Variants in PDE1C observed in about 807,000 individuals in gnomAD.
The protein encoded by PDE1C is phosphodiesterase 1C, also known as dual specificity calcium/calmodulin-dependent 3',5'-cyclic nucleotide phosphodiesterase 1C.
Under a neutral mutation model 93.1 loss-of-function variants are expected in PDE1C, and 62 were observed. That is an observed-to-expected ratio of 0.67 (90% CI 0.54 to 0.82). The LOEUF is 0.82. PDE1C is among the 40% of genes least tolerant of loss of function. The probability of loss-of-function intolerance (pLI) is 0.00; values close to 1 mark genes in which losing one functional copy is unlikely to be tolerated. For synonymous variants in PDE1C, 325 were observed against 310.1 expected (o/e 1.05, Z -0.50); for missense variants, 742 against 884.6 (o/e 0.84, Z 2.04).
chr7:32,312,739 A>G (rs894600164), intron 1 of PDE1C, among the ~76,000 whole-genome samples: 4 of 152,224 alleles, frequency 2.6e-5, no homozygotes, highest in African/African-American at 9.6e-5. Context: ...CTTACACCTT[A>G]CACAAAAATT....
At chr7:32,220,768 C>T (rs1288788640) in intron 1 of PDE1C, among the ~76,000 whole-genome samples, 2 of 151,990 alleles carry the variant, frequency 1.3e-5, no homozygotes, top group East Asian at 1.9e-4. Context: ...CAGTGAGCCG[C>T]GATCGCACCA....
At chr7:32,402,956 T>C (rs1288860958) in intron 1 of PDE1C, among the ~76,000 whole-genome samples, 1 of 152,088 alleles carries the variant, frequency 6.6e-6, no homozygotes. Context: ...AGGGCAAGAA[T>C]GTGTTAGTGT....
upstream of PDE1C, chr7:32,070,956 C>T (rs531291033): frequency 2.1e-4 from 203 of 985,590 alleles, 1 homozygote; most frequent in African/African-American, 3.4e-3. Flanking sequence ...TGCCTTCGCG[C>T]CCCTCTGTTT....
At chr7:31,724,666 A>G in the PDE1C span, among the ~76,000 whole-genome samples, 12,883 of 152,236 alleles carry the variant, frequency 0.085, 859 homozygotes, top group East Asian at 0.36. Context: ...AAACCTGCTA[A>G]AGTGTCTTAT....
intron 3 of PDE1C, among the ~76,000 whole-genome samples, chr7:32,123,597 A>G (rs1024437369): frequency 6.6e-6 from 1 of 152,206 alleles, no homozygotes; most frequent in Non-Finnish European, 1.5e-5. Context: ...AGAACCAAAG[A>G]AAAAAATCAC....
chr7:32,261,457 G>A (rs558790526), intron 1 of PDE1C, among the ~76,000 whole-genome samples: 4 of 152,088 alleles, frequency 2.6e-5, no homozygotes, highest in African/African-American at 9.7e-5. Flanking sequence ...AAATGCTCAG[G>A]GAGACTGACT....
In PDE1C at chr7:31,864,846, A is replaced by T. The variant is rs553377801; in HGVS notation, c.750+96T>A. 3.5e-4 allele frequency: 402 copies of T among 1,151,034 alleles called. 3 individuals are homozygous for T. The highest frequency in any genetic ancestry group is 1.3e-4 in the Admixed American group (7 of 52,188). 71.3% of individuals were successfully genotyped at this position (1,151,034 alleles called of 1,614,324 possible). On this transcript the variant is annotated intron_variant, in intron 7 of 17. Transcript: ENST00000396191. ...CAGGAAGTCCATAAAACAATGCATG[A>T]CTCGTGGCCTCCACCTCATCAGAAT...
At chr7:32,387,629 G>A (rs576134086) in intron 1 of PDE1C, among the ~76,000 whole-genome samples, 1 of 146,106 alleles carries the variant, frequency 6.8e-6, no homozygotes, top group Non-Finnish European at 1.5e-5. Context: ...CAGGCGGGGG[G>A]CTGATCCCCC....
chr7:32,427,083 C>T (rs914308981), intron 1 of PDE1C, among the ~76,000 whole-genome samples: 1 of 152,180 alleles, frequency 6.6e-6, no homozygotes, highest in African/African-American at 2.4e-5. Context: ...TTGAATATCT[C>T]AAACTAAAAT....
At chr7:31,832,963 G>T (rs1790605796) in intron 11 of PDE1C, among the ~76,000 whole-genome samples, 3 of 152,242 alleles carry the variant, frequency 2.0e-5, no homozygotes, top group Non-Finnish European at 4.4e-5. Context: ...GCTGTAGAGG[G>T]TTTGTTATGG....
At chr7:31,838,879 C>T (rs2128768981) in intron 9 of PDE1C, among the ~76,000 whole-genome samples, 1 of 151,948 alleles carries the variant, frequency 6.6e-6, no homozygotes, top group Non-Finnish European at 1.5e-5. Flanking sequence ...ATCCTCAAAC[C>T]TAGCCCCAGG....
chr7:32,208,964 G>A (rs184857956), intron 2 of PDE1C, among the ~76,000 whole-genome samples: 1 of 152,234 alleles, frequency 6.6e-6, no homozygotes. Context: ...GGAAAAGCCA[G>A]TGGAGTTAGT....
At chr7:32,383,812 C>G (rs1265835838) in intron 1 of PDE1C, among the ~76,000 whole-genome samples, 1 of 152,172 alleles carries the variant, frequency 6.6e-6, no homozygotes, top group Non-Finnish European at 1.5e-5. Flanking sequence ...GTCAGCCACT[C>G]CTGGGTTGAC....
At chr7:31,782,610 C>T (rs1016472441) in intron 16 of PDE1C, among the ~76,000 whole-genome samples, 3 of 152,150 alleles carry the variant, frequency 2.0e-5, no homozygotes, top group Admixed American at 1.3e-4. Flanking sequence ...AGAGGGTTCT[C>T]TCTCTGAGGC....
chr7:32,377,806 C>T (rs371030305), intron 1 of PDE1C, among the ~76,000 whole-genome samples: 7 of 152,098 alleles, frequency 4.6e-5, no homozygotes, highest in East Asian at 3.9e-4. Context: ...TCATGCCCTC[C>T]GCCACTATAC....
intron 2 of PDE1C, among the ~76,000 whole-genome samples, chr7:32,203,229 T>C (rs1805157489): frequency 6.6e-6 from 1 of 151,854 alleles, no homozygotes; most frequent in Non-Finnish European, 1.5e-5. Flanking sequence ...TATTTCTTCT[T>C]CTTCTTTTTG....
At chr7:31,620,777 C>A in the PDE1C span, among the ~76,000 whole-genome samples, 8 of 152,202 alleles carry the variant, frequency 5.3e-5, no homozygotes, top group African/African-American at 1.2e-4. Flanking sequence ...TTTGAGGAGG[C>A]GAGAGAAGAA....
chr7:32,317,368 G>A (rs190613380), intron 1 of PDE1C, among the ~76,000 whole-genome samples: 1 of 152,014 alleles, frequency 6.6e-6, no homozygotes, highest in African/African-American at 2.4e-5. Context: ...CTGAGGCCCA[G>A]CCCCAGTAAA....
At chr7:32,196,368 G>C (rs73104581) in intron 2 of PDE1C, among the ~76,000 whole-genome samples, 18,482 of 152,056 alleles carry the variant, frequency 0.12, 1,167 homozygotes, top group South Asian at 0.19. Context: ...AGAGAGTAGA[G>C]TTATGTTAGG....
Sources: gnomAD v4.1 joint callset for allele counts (sites outside exome capture counted in the v4.1 genomes callset) on GRCh38, gnomAD v4.1.1 for gene constraint, MANE v1.5 for transcripts, NCBI Gene and HGNC (gene_info 2026-07-23, HGNC 2026-07-21) for gene names.